Variants in NAALADL2 observed in about 807,000 individuals in gnomAD.
NAALADL2 encodes N-acetylated alpha-linked acidic dipeptidase like 2, also known as inactive N-acetylated-alpha-linked acidic dipeptidase-like protein 2.
Under a neutral mutation model 87.2 loss-of-function variants are expected in NAALADL2, and 76 were observed. The observed-to-expected ratio is 0.87, with a 90% CI of 0.72 to 1.05. The LOEUF is 1.05. Among genes scored for constraint, NAALADL2 ranks in the 50% least tolerant of loss-of-function variants. NAALADL2 has a pLI of 0.00. For synonymous variants in NAALADL2, 354 were observed against 331.0 expected (o/e 1.07, Z -0.75); for missense variants, 1,089 against 945.8 (o/e 1.15, Z -1.99).
chr3:175,618,226 C>T (rs1304410653), intron 10 of NAALADL2, among the ~76,000 whole-genome samples: 2 of 152,164 alleles, frequency 1.3e-5, no homozygotes, highest in Non-Finnish European at 2.9e-5. Flanking sequence ...ATTTGGCTTA[C>T]GTCCTGTAGA....
chr3:175,611,768 G>C (rs1724684627), intron 10 of NAALADL2, among the ~76,000 whole-genome samples: 1 of 152,118 alleles, frequency 6.6e-6, no homozygotes, highest in South Asian at 2.1e-4. Flanking sequence ...TGGATAATTT[G>C]TTGAAGTGAA....
chr3:175,264,682 TTTAAA>T (rs1273553278), intron 4 of NAALADL2, among the ~76,000 whole-genome samples: 6 of 151,842 alleles, frequency 4.0e-5, no homozygotes, highest in African/African-American at 1.2e-4. Context: ...ATAACTTGAC[TTTAAA>T]TTATGGAGAA....
chr3:174,932,791 TG>T (rs1990228192), intron 1 of NAALADL2, among the ~76,000 whole-genome samples: 1 of 152,168 alleles, frequency 6.6e-6, no homozygotes, highest in South Asian at 2.1e-4. Flanking sequence ...TTACCTTTAG[TG>T]TAATATGTTA....
intron 1 of NAALADL2, among the ~76,000 whole-genome samples, chr3:174,540,211 G>C (rs1025055873): frequency 6.6e-6 from 1 of 152,124 alleles, no homozygotes; most frequent in Non-Finnish European, 1.5e-5. Context: ...GATGAGGCCA[G>C]GTCTGCCAGT....
chr3:174,951,265 C>T (rs186184167), intron 1 of NAALADL2, among the ~76,000 whole-genome samples: 5 of 151,560 alleles, frequency 3.3e-5, no homozygotes, highest in Middle Eastern at 3.4e-3. Flanking sequence ...TAAGTTGAGA[C>T]GTGAATGTAA....
chr3:174,878,404 G>C (rs1728781793), intron 1 of NAALADL2, among the ~76,000 whole-genome samples: 1 of 151,986 alleles, frequency 6.6e-6, no homozygotes, highest in South Asian at 2.1e-4. Context: ...AAAATGTATG[G>C]CCTAGCCAAC....
At chr3:175,767,432 C>T (rs952854) in intron 13 of NAALADL2, 1 of 151,790 alleles carries the variant, frequency 6.6e-6, no homozygotes. Flanking sequence ...TCCCAGTCTA[C>T]CTTTATCTGA....
chr3:175,213,130 A>G (rs1008474598), intron 2 of NAALADL2, among the ~76,000 whole-genome samples: 2 of 152,194 alleles, frequency 1.3e-5, no homozygotes, highest in Non-Finnish European at 2.9e-5. Flanking sequence ...AGTATGAATC[A>G]TTATAAGACA....
intron 2 of NAALADL2, among the ~76,000 whole-genome samples, chr3:174,577,295 T>A (rs1300793809): frequency 6.6e-6 from 1 of 152,180 alleles, no homozygotes; most frequent in Admixed American, 6.5e-5. Context: ...TTGAGAAATG[T>A]TAAAATGTTA....
intron 1 of NAALADL2, among the ~76,000 whole-genome samples, chr3:174,950,252 G>T (rs1424456285): frequency 6.6e-6 from 1 of 152,012 alleles, no homozygotes; most frequent in East Asian, 1.9e-4. Context: ...TACTGAATAT[G>T]AATTGAGAGT....
intron 10 of NAALADL2, among the ~76,000 whole-genome samples, chr3:175,595,163 A>G (rs943795172): frequency 2.0e-5 from 3 of 151,976 alleles, no homozygotes; most frequent in African/African-American, 7.2e-5. Context: ...TATCTTAAGT[A>G]AATTTTTGTA....
intron 2 of NAALADL2, among the ~76,000 whole-genome samples, chr3:174,604,693 A>T: frequency 2.1e-5 from 3 of 145,970 alleles, no homozygotes; most frequent in South Asian, 2.2e-4. Context: ...ATTAAAGGTA[A>T]TTTTCTCTGG....
chr3:174,646,984 C>T (rs1723859183), intron 2 of NAALADL2, among the ~76,000 whole-genome samples: 1 of 152,062 alleles, frequency 6.6e-6, no homozygotes, highest in Admixed American at 6.6e-5. Context: ...TCACTGTTAA[C>T]ATTCATGTCT....
At chr3:175,285,698 T>C (rs112975619) in intron 4 of NAALADL2, among the ~76,000 whole-genome samples, 27 of 152,178 alleles carry the variant, frequency 1.8e-4, no homozygotes, top group African/African-American at 6.3e-4. Context: ...TACATTTCAG[T>C]ATCATATTTT....
At chr3:175,574,365 T>C (rs1718545458) in intron 9 of NAALADL2, among the ~76,000 whole-genome samples, 1 of 152,140 alleles carries the variant, frequency 6.6e-6, no homozygotes, top group Non-Finnish European at 1.5e-5. Flanking sequence ...ATCAGGCCTG[T>C]TTATGCAAAT....
intron 1 of NAALADL2, among the ~76,000 whole-genome samples, chr3:174,541,644 T>G (rs920923269): frequency 6.6e-6 from 1 of 152,230 alleles, no homozygotes; most frequent in Admixed American, 6.5e-5. Context: ...CATTTATGAT[T>G]TTTATCATTG....
rs527946659 is a variant in NAALADL2, at chr3:175,021,700, A to G, written c.44-75090A>G. Among the ~76,000 whole-genome samples the G allele has an allele frequency of 2.1e-4, 32 of 152,114 alleles. No homozygotes were observed. The South Asian group carries it at 6.4e-3, about 31-fold the overall frequency. ...CCTTTTATAACTTTTTGCTTGTTGT[A>G]TTGCTCTTTAATAGGGGTGAGACCA... On this transcript the variant is annotated intron_variant, in intron 1 of 13. Coordinates refer to ENST00000454872, the MANE Select transcript of NAALADL2 (RefSeq NM_207015.3).
chr3:174,782,975 A>T (rs545863909), intron 3 of NAALADL2, among the ~76,000 whole-genome samples: 2 of 152,100 alleles, frequency 1.3e-5, no homozygotes, highest in Non-Finnish European at 2.9e-5. Flanking sequence ...TGGTGAATGC[A>T]TTCTCTCATA....
At chr3:175,533,768 A>G (rs1734418676) in intron 9 of NAALADL2, among the ~76,000 whole-genome samples, 1 of 152,112 alleles carries the variant, frequency 6.6e-6, no homozygotes, top group Non-Finnish European at 1.5e-5. Context: ...CCACAATTTC[A>G]GCTTTTTCTG....
Sources: gnomAD v4.1 joint callset for allele counts (sites outside exome capture counted in the v4.1 genomes callset) on GRCh38, gnomAD v4.1.1 for gene constraint, MANE v1.5 for transcripts, NCBI Gene and HGNC (gene_info 2026-07-23, HGNC 2026-07-21) for gene names.